FUT9: variants seen among roughly 807,000 people sequenced by gnomAD.
FUT9 encodes 4-galactosyl-N-acetylglucosaminide 3-alpha-L-fucosyltransferase 9.
FUT9 carries 15 observed loss-of-function variants against 29.7 expected under a neutral mutation model. That is an observed-to-expected ratio of 0.51 (90% CI 0.34 to 0.78). FUT9 has a LOEUF of 0.78. Ranked by LOEUF, FUT9 falls within the 30% of genes least tolerant of loss-of-function variation. The pLI is 0.01. For synonymous variants in FUT9, 169 were observed against 153.7 expected, an observed-to-expected ratio of 1.10 and a Z score of -0.74; for missense variants, 319 against 425.4, an observed-to-expected ratio of 0.75 and a Z score of 2.20.
chr6:96,153,986 C>G (rs1260953501), intron 2 of FUT9, among the ~76,000 whole-genome samples: 1 of 152,160 alleles, frequency 6.6e-6, no homozygotes, highest in Non-Finnish European at 1.5e-5. Context: ...ATTTGATCAT[C>G]AGACTGTATG....
chr6:96,056,185 T>G (rs1225311440), intron 1 of FUT9, among the ~76,000 whole-genome samples: 1 of 152,232 alleles, frequency 6.6e-6, no homozygotes, highest in Non-Finnish European at 1.5e-5. Flanking sequence ...TTTAATGCTT[T>G]CTGCCTTGGA....
intron 1 of FUT9, among the ~76,000 whole-genome samples, chr6:96,081,611 G>T (rs1294956848): frequency 6.6e-6 from 1 of 151,684 alleles, no homozygotes; most frequent in East Asian, 1.9e-4. Flanking sequence ...TGTCCTTCTG[G>T]ATTAAAAACA....
At chr6:96,116,221 G>A (rs1343224401) in intron 2 of FUT9, among the ~76,000 whole-genome samples, 1 of 152,102 alleles carries the variant, frequency 6.6e-6, no homozygotes, top group Non-Finnish European at 1.5e-5. Context: ...GCCACAGTAA[G>A]ATGCCAGAAC....
rs1466347254 is a variant in FUT9, at chr6:96,129,286, AAAAAAACAAACAAC to A, written c.-9+15160_-9+15173del. 8.2e-4 allele frequency among the ~76,000 whole-genome samples: 5 copies of A among 6,102 alleles called. No homozygotes were observed. In the Admixed American group the frequency reaches 0.015, roughly 18 times the overall value. 4.0% of individuals were successfully genotyped at this position (6,102 alleles called of 152,430 possible). On this transcript the variant is annotated intron_variant, in intron 2 of 2. Transcript: ENST00000302103. ...TCTCAAAAAAAAAAAAAAAAAAAAAAAAAAAACAAACAACCAGCCATGGTGGCATGTGCCTGTGG... is the reference window on the plus strand; with the variant it reads ...TCTCAAAAAAAAAAAAAAAAAAAAAACAGCCATGGTGGCATGTGCCTGTGG...
intron 2 of FUT9, among the ~76,000 whole-genome samples, chr6:96,146,624 T>G (rs1229431343): frequency 6.6e-6 from 1 of 152,248 alleles, no homozygotes; most frequent in East Asian, 1.9e-4. Flanking sequence ...AAATTAATTC[T>G]GGAGTGCCAC....
intron 1 of FUT9, among the ~76,000 whole-genome samples, chr6:96,107,013 TA>T (rs1452917337): frequency 2.6e-5 from 4 of 152,218 alleles, no homozygotes; most frequent in African/African-American, 9.6e-5. Context: ...ATAAATTGTA[TA>T]ATATATGCGT....
intron 2 of FUT9, among the ~76,000 whole-genome samples, chr6:96,195,957 T>C (rs1052612087): frequency 6.6e-6 from 1 of 152,196 alleles, no homozygotes; most frequent in Non-Finnish European, 1.5e-5. Flanking sequence ...ATGGCTTATA[T>C]AAAATAAAGA....
intron 2 of FUT9, among the ~76,000 whole-genome samples, chr6:96,120,269 CTTTTTTTTTTT>C (rs11347804): frequency 2.2e-5 from 2 of 91,470 alleles, no homozygotes; most frequent in South Asian, 4.6e-4. Context: ...TTTTTTCTTT[CTTTTTTTTTTT>C]TTTTTTTTGA....
intron 2 of FUT9, among the ~76,000 whole-genome samples, chr6:96,201,329 A>T (rs570859419): frequency 6.6e-6 from 1 of 152,056 alleles, no homozygotes; most frequent in African/African-American, 2.4e-5. Flanking sequence ...ATTTTTATCT[A>T]TGCTAAATCA....
chr6:96,149,094 T>C (rs1180643577), intron 2 of FUT9, among the ~76,000 whole-genome samples: 1 of 151,672 alleles, frequency 6.6e-6, no homozygotes, highest in African/African-American at 2.4e-5. Context: ...AAGTGGAGGT[T>C]GCAGTGAGCC....
intron 1 of FUT9, among the ~76,000 whole-genome samples, chr6:96,079,767 T>A (rs1354928746): frequency 6.6e-6 from 1 of 152,046 alleles, no homozygotes; most frequent in Non-Finnish European, 1.5e-5. Flanking sequence ...TTTAATAGTT[T>A]TGTGAAAAAA....
intron 1 of FUT9, among the ~76,000 whole-genome samples, chr6:96,085,717 C>T (rs1045107979): frequency 6.6e-6 from 1 of 152,124 alleles, no homozygotes; most frequent in Admixed American, 6.6e-5. Context: ...GGCCAAGGGT[C>T]AAATGCAAAC....
chr6:96,121,644 A>G (rs936013088), intron 2 of FUT9, among the ~76,000 whole-genome samples: 25 of 152,162 alleles, frequency 1.6e-4, no homozygotes, highest in Non-Finnish European at 1.0e-4. Context: ...ATTTTAAACT[A>G]TATTGTATCT....
intron 2 of FUT9, among the ~76,000 whole-genome samples, chr6:96,135,332 A>G (rs1241770798): frequency 6.6e-6 from 1 of 151,934 alleles, no homozygotes; most frequent in Non-Finnish European, 1.5e-5. Context: ...GTTACTGCTT[A>G]TTATTATTTT....
At chr6:96,032,960 T>A (rs1431977536) in intron 1 of FUT9, among the ~76,000 whole-genome samples, 1 of 151,644 alleles carries the variant, frequency 6.6e-6, no homozygotes, top group Non-Finnish European at 1.5e-5. Context: ...TTGCATCCTG[T>A]TCAACTCGGC....
At chr6:96,183,916 T>A (rs753789030) in intron 2 of FUT9, among the ~76,000 whole-genome samples, 31 of 152,078 alleles carry the variant, frequency 2.0e-4, no homozygotes, top group Admixed American at 6.6e-5. Flanking sequence ...TTTTTTGTTA[T>A]ATCCTTTCCT....
intron 2 of FUT9, among the ~76,000 whole-genome samples, chr6:96,166,154 T>TA (rs151129714): frequency 0.16 from 23,702 of 146,358 alleles, 2,023 homozygotes; most frequent in African/African-American, 0.19. Context: ...TCAGAAACAA[T>TA]AAAAAAAAAA....
chr6:96,112,495 T>G (rs1188329695), intron 1 of FUT9, among the ~76,000 whole-genome samples: 1 of 152,194 alleles, frequency 6.6e-6, no homozygotes, highest in Non-Finnish European at 1.5e-5. Flanking sequence ...GGTACTAAAT[T>G]CAGTGGAAAA....
At chr6:96,144,565 G>A (rs569877730) in intron 2 of FUT9, among the ~76,000 whole-genome samples, 1 of 152,284 alleles carries the variant, frequency 6.6e-6, no homozygotes, top group Non-Finnish European at 1.5e-5. Flanking sequence ...GGCTATAAAG[G>A]AGGAAATCTG....
Sources: allele counts gnomAD v4.1 joint callset (sites outside exome capture counted in the v4.1 genomes callset), GRCh38; gene constraint gnomAD v4.1.1; transcripts MANE v1.5; gene names NCBI Gene and HGNC (gene_info 2026-07-23, HGNC 2026-07-21).